GRID2IP: variants seen among roughly 807,000 people sequenced by gnomAD.
GRID2IP encodes delphilin.
A neutral mutation model predicts 114.3 loss-of-function variants in GRID2IP; 78 were observed. The observed-to-expected ratio is 0.68, with a 90% confidence interval of 0.57 to 0.82. The LOEUF (loss-of-function observed/expected upper bound fraction) is 0.82, where lower values mean the gene tolerates loss of function less well. Ranked by LOEUF, GRID2IP falls within the 40% of genes least tolerant of loss-of-function variation. The pLI is 0.00. For missense variants in GRID2IP, 1,727 were observed against 1,678.5 expected (o/e 1.03, Z -0.51); for synonymous variants, 809 against 724.0 (o/e 1.12, Z -1.89).
intron 1 of GRID2IP, among the ~76,000 whole-genome samples, chr7:6,549,788 G>GTT (rs754075666): frequency 1.0e-3 from 150 of 143,642 alleles, no homozygotes; most frequent in African/African-American, 3.5e-3. Context: ...CACCTGGCTG[G>GTT]TTTTTTTTTT....
At chr7:6,539,087 G>T (rs1007187106) in intron 2 of GRID2IP, among the ~76,000 whole-genome samples, 2 of 151,438 alleles carry the variant, frequency 1.3e-5, no homozygotes, top group African/African-American at 4.9e-5. Flanking sequence ...TCCTGTTGGA[G>T]ATTTTTACAA....
chr7:6,498,544 A>G (rs924644671), intron 20 of GRID2IP, among the ~76,000 whole-genome samples: 12 of 143,536 alleles, frequency 8.4e-5, no homozygotes, highest in African/African-American at 3.1e-4. Context: ...CATTTACAGT[A>G]GGCCCCTCTG....
intron 2 of GRID2IP, among the ~76,000 whole-genome samples, chr7:6,537,376 T>TTC (rs1779744545): frequency 7.6e-6 from 1 of 131,228 alleles, no homozygotes; most frequent in African/African-American, 2.8e-5. Flanking sequence ...AGACCTTTTT[T>TTC]TTTTTTTTTT....
At chr7:6,510,539 G>T (rs1786746680) in intron 10 of GRID2IP, 70 bp downstream of exon 10, 3 of 1,355,558 alleles carry the variant, frequency 2.2e-6, no homozygotes, top group Middle Eastern at 1.9e-4. Context: ...GGGTCTCCTG[G>T]GCCCAGTCCT....
chr7:6,551,126 G>T lies in GRID2IP; in HGVS notation c.311C>A (p.Ala104Asp). The change falls in exon 1 of 22, where the codon GCC becomes GAC. Residue 104 changes from alanine (A) to aspartate (D), a missense_variant. Transcript: ENST00000457091. ...AGCTAGGCCGCGGCCGCACCGCGGG[G>T]CCCGCAAGACTGTGGTCGGGGCCGC... ...GPAAPTTVLR[A>D]PRCGRGLALG... 1.5e-6 allele frequency: 2 copies of T among 1,303,826 alleles called. No individual in the cohort carries two copies. Among genetic ancestry groups the T allele is most frequent in the Admixed American group, 4.2e-5 (1 of 23,540 alleles). The allele number at this position is 1,303,826 out of a possible 1,614,324, so 80.8% of individuals were successfully genotyped here.
chr7:6,540,322 G>C (rs2115097332), intron 1 of GRID2IP, among the ~76,000 whole-genome samples: 1 of 151,846 alleles, frequency 6.6e-6, no homozygotes, highest in Middle Eastern at 3.4e-3. Flanking sequence ...ATGTTGGTCA[G>C]GCTAGTTTTG....
In GRID2IP at chr7:6,526,321, A is replaced by G; in HGVS notation, c.834-12T>C. 6.4e-7 allele frequency: 1 copy of G among 1,550,818 alleles called. No individual in the cohort carries two copies. Among genetic ancestry groups the G allele is most frequent in the Non-Finnish European group, 8.7e-7 (1 of 1,146,154 alleles). On this transcript the variant is annotated splice_polypyrimidine_tract_variant and intron_variant, in intron 3 of 21. Transcript: ENST00000457091. The surrounding 1 kb of genome is among the most constrained non-coding windows in gnomAD (Gnocchi z 7.6). ...AGACTCGGACAGTCCTGGGGGAAAA[A>G]GAAGGGGCGAGCAGCATGATGGAGA...
chr7:6,530,077 G>A lies in GRID2IP; in HGVS notation c.585-3308C>T, dbSNP rs1043677480. On this transcript the variant is annotated intron_variant, in intron 2 of 21. Coordinates refer to ENST00000457091, the MANE Select transcript of GRID2IP (RefSeq NM_001145118.2). ...GGATTCATGCCATTCTCCTGCCTCA[G>A]CCTCCCGAGTAGCTGGGACTACAGG... 7.9e-5 allele frequency among the ~76,000 whole-genome samples: 12 copies of A among 151,724 alleles called. No homozygotes were observed. The East Asian group carries it at 1.9e-3, about 25-fold the overall frequency.
chr7:6,522,425 T>C (rs1354479181), intron 4 of GRID2IP, among the ~76,000 whole-genome samples: 2 of 152,040 alleles, frequency 1.3e-5, no homozygotes, highest in Non-Finnish European at 2.9e-5. Flanking sequence ...CTCCATACAC[T>C]GTTCTTAGCC....
intron 2 of GRID2IP, among the ~76,000 whole-genome samples, chr7:6,527,224 C>T (rs1779532893): frequency 6.6e-6 from 1 of 152,152 alleles, no homozygotes; most frequent in South Asian, 2.1e-4. Flanking sequence ...GAGCCCCTCA[C>T]CACGCCTCCA....
At chr7:6,510,756 C>G (rs1336405387) in intron 9 of GRID2IP, 50 bp from the exon 10 acceptor site, 1 of 1,522,170 alleles carries the variant, frequency 6.6e-7, no homozygotes, top group Admixed American at 2.0e-5. Context: ...GGCTCAGGCC[C>G]CGGCCCAGAA....
chr7:6,543,069 T>C (rs567998435), intron 1 of GRID2IP, among the ~76,000 whole-genome samples: 1 of 152,190 alleles, frequency 6.6e-6, no homozygotes, highest in Admixed American at 6.6e-5. Flanking sequence ...TCCGCATCCT[T>C]CCCTTCCATC....
At position 6,509,129 on chromosome 7, in the gene GRID2IP, G is replaced by T; in HGVS notation, c.1956C>A (p.Ser652Arg). The change falls in exon 12 of 22, where the codon AGC (serine) becomes AGA (arginine). Residue 652 changes from serine (S) to arginine (R), a missense_variant. Transcript: ENST00000457091. This position sits in a 1 kb window ranked among gnomAD's most constrained non-coding sequence, Gnocchi z 4.9. The stretch of plus-strand genomic sequence containing the variant: ...GGCGGGTGGGGTCCGGGCTTGGGGG[G>T]CTGTCGGGGCAGATGGGCCCGGGGC... ...QPGPGPICPD[S>R]PPSPDPTRPP... 6.8e-7 allele frequency: 1 copy of T among 1,474,080 alleles called. No homozygotes were observed. Among genetic ancestry groups the T allele is most frequent in the Non-Finnish European group, 9.0e-7 (1 of 1,112,348 alleles). 91.3% of individuals were successfully genotyped at this position (1,474,080 alleles called of 1,614,324 possible). A position where few individuals can be genotyped will look rare whatever the true frequency, so the allele number is the denominator to read the frequency against.
chr7:6,505,450 C>G (rs1786549840), intron 14 of GRID2IP, among the ~76,000 whole-genome samples: 1 of 151,280 alleles, frequency 6.6e-6, no homozygotes, highest in Non-Finnish European at 1.5e-5. Context: ...TCACTGCAAC[C>G]TCCACCTCCG....
chr7:6,515,088 C>G (rs1281530753), intron 7 of GRID2IP, among the ~76,000 whole-genome samples: 1 of 152,228 alleles, frequency 6.6e-6, no homozygotes, highest in Non-Finnish European at 1.5e-5. Flanking sequence ...GTGACTTACC[C>G]TCTCTGTGCC....
At position 6,519,102 on chromosome 7, in the gene GRID2IP, A is replaced by T. The variant is rs761851911; in HGVS notation, c.1268+1476T>A. ...CCCAGCTAATTTTTTCTTTTTGTAG[A>T]GATGGCTTCTTGCTCTGTTGCCCAG... On this transcript the variant is annotated intron_variant, in intron 7 of 21. Transcript: ENST00000457091. This position sits in a 1 kb window ranked among gnomAD's most constrained non-coding sequence, Gnocchi z 4.1. Among the ~76,000 whole-genome samples, 13 of 151,980 alleles carry T rather than the reference A, an allele frequency of 8.6e-5. No individual in the cohort carries two copies. Among genetic ancestry groups the T allele is most frequent in the Non-Finnish European group, 1.8e-4 (12 of 68,012 alleles).
chr7:6,544,888 C>T (rs1311936443), intron 1 of GRID2IP, among the ~76,000 whole-genome samples: 5 of 151,534 alleles, frequency 3.3e-5, no homozygotes, highest in African/African-American at 7.3e-5. Flanking sequence ...GAGACCATCC[C>T]AACTGACACG....
In GRID2IP at chr7:6,507,539, G is replaced by A. The variant is rs763333005; in HGVS notation, c.2544+446C>T. Among the ~76,000 whole-genome samples, 3 of 152,198 alleles carry A rather than the reference G, an allele frequency of 2.0e-5. No individual in the cohort carries two copies. The East Asian group carries it at 5.8e-4, about 29-fold the overall frequency. ...AGCAAGACAAAGGATGGTTAAAATC[G>A]TCCAGTGAGGAAAGGAAGACCTTGA... On this transcript the variant is annotated intron_variant, in intron 13 of 21. Transcript: ENST00000457091. This position sits in a 1 kb window ranked among gnomAD's most constrained non-coding sequence, Gnocchi z 5.3.
At chr7:6,538,233 G>A (rs1215112671) in intron 2 of GRID2IP, among the ~76,000 whole-genome samples, 3 of 152,094 alleles carry the variant, frequency 2.0e-5, no homozygotes, top group Admixed American at 1.3e-4. Flanking sequence ...GGGCATGGTG[G>A]CACGCACCTG....
Sources: allele counts gnomAD v4.1 joint callset (sites outside exome capture counted in the v4.1 genomes callset), GRCh38; gene constraint gnomAD v4.1.1; non-coding constraint Gnocchi (gnomAD v3.1); transcripts MANE v1.5; gene names NCBI Gene and HGNC (gene_info 2026-07-23, HGNC 2026-07-21).